The following APBB2 variants were observed in gnomAD, a reference collection of about 807,000 sequenced individuals.
The protein encoded by APBB2 is amyloid beta precursor protein binding family B member 2.
In APBB2, 38 loss-of-function variants were observed where a neutral mutation model predicts 82.5. That is an observed-to-expected ratio of 0.46 (90% CI 0.36 to 0.60). The LOEUF (loss-of-function observed/expected upper bound fraction) is 0.60, where lower values mean the gene tolerates loss of function less well. APBB2 is among the 20% of genes least tolerant of loss of function. APBB2 has a pLI of 0.00. For missense variants in APBB2, 772 were observed against 972.3 expected (o/e 0.79, Z 2.74); for synonymous variants, 341 against 368.2 (o/e 0.93, Z 0.85).
chr4:41,110,603 CAAAAAAAAA>C (rs33958550), intron 2 of APBB2, among the ~76,000 whole-genome samples: 5 of 111,688 alleles, frequency 4.5e-5, no homozygotes, highest in Non-Finnish European at 3.8e-5. Context: ...GACTCTGTCT[CAAAAAAAAA>C]AAAAAAAAGA....
At chr4:40,887,086 T>C (rs915074568) in intron 12 of APBB2, among the ~76,000 whole-genome samples, 10 of 152,214 alleles carry the variant, frequency 6.6e-5, no homozygotes, top group Admixed American at 2.6e-4. Flanking sequence ...TGGTATCAGA[T>C]GTGACTCAAC....
chr4:41,189,704 C>A (rs1283230890), intron 1 of APBB2, among the ~76,000 whole-genome samples: 1 of 152,212 alleles, frequency 6.6e-6, no homozygotes, highest in Non-Finnish European at 1.5e-5. Context: ...GCTAAGTATT[C>A]TGGACATGGC....
chr4:41,015,381 T>G (rs1809616589), intron 5 of APBB2, among the ~76,000 whole-genome samples: 1 of 152,172 alleles, frequency 6.6e-6, no homozygotes, highest in African/African-American at 2.4e-5. Flanking sequence ...TCTGATCCTT[T>G]TGCCCTCCAC....
intron 5 of APBB2, among the ~76,000 whole-genome samples, chr4:41,027,773 T>C (rs565311782): frequency 6.6e-6 from 1 of 152,298 alleles, no homozygotes; most frequent in East Asian, 1.9e-4. Flanking sequence ...AAATGAGGAA[T>C]GAATAACCAA....
At chr4:41,202,046 G>C (rs1198586737) in intron 1 of APBB2, among the ~76,000 whole-genome samples, 1 of 152,170 alleles carries the variant, frequency 6.6e-6, no homozygotes, top group Non-Finnish European at 1.5e-5. Context: ...CATGCCCCCA[G>C]GAGCTTCAGT....
chr4:40,894,287 C>T (rs1020832185), intron 10 of APBB2, among the ~76,000 whole-genome samples: 4 of 148,838 alleles, frequency 2.7e-5, no homozygotes, highest in Non-Finnish European at 5.9e-5. Flanking sequence ...GAGACTCCGT[C>T]TCAAAAAAAA....
chr4:40,893,239 C>A, intron 11 of APBB2, 26 bp downstream of exon 11: 2 of 1,608,818 alleles, frequency 1.2e-6, no homozygotes, highest in Non-Finnish European at 1.7e-6. Context: ...AACAGCCTGC[C>A]GTGCATCATT....
chr4:40,974,859 G>A (rs1319635815), intron 6 of APBB2, among the ~76,000 whole-genome samples: 2 of 152,180 alleles, frequency 1.3e-5, no homozygotes, highest in African/African-American at 2.4e-5. Flanking sequence ...CGAGGGGCAT[G>A]TGCATTGATG....
intron 2 of APBB2, among the ~76,000 whole-genome samples, chr4:41,102,460 G>A (rs1476273722): frequency 2.0e-5 from 3 of 152,124 alleles, no homozygotes; most frequent in Non-Finnish European, 2.9e-5. Flanking sequence ...CTGCTATAAC[G>A]CTTGTGTTTT....
chr4:40,856,299 T>C (rs1331502146), intron 12 of APBB2, among the ~76,000 whole-genome samples: 1 of 152,222 alleles, frequency 6.6e-6, no homozygotes, highest in Admixed American at 6.5e-5. Flanking sequence ...ACAATATTGG[T>C]ATAGGGAAAC....
intron 3 of APBB2, among the ~76,000 whole-genome samples, chr4:41,099,492 A>G (rs903610933): frequency 6.6e-5 from 10 of 152,260 alleles, no homozygotes; most frequent in Non-Finnish European, 4.4e-5. Context: ...CGGCCTCCCA[A>G]AATATTTATT....
chr4:41,195,340 TC>T, intron 1 of APBB2, among the ~76,000 whole-genome samples: 189 of 152,208 alleles, frequency 1.2e-3, no homozygotes, highest in African/African-American at 4.4e-3. Flanking sequence ...CCGACTAAGA[TC>T]CTCAGAATTG....
intron 7 of APBB2, among the ~76,000 whole-genome samples, chr4:40,940,388 C>T (rs941382574): frequency 3.3e-5 from 5 of 152,244 alleles, no homozygotes; most frequent in Non-Finnish European, 7.4e-5. Flanking sequence ...TTCTGTGATC[C>T]CCAGAGGTTC....
At chr4:40,829,217 G>A (rs979925482) in intron 13 of APBB2, among the ~76,000 whole-genome samples, 3 of 152,126 alleles carry the variant, frequency 2.0e-5, no homozygotes, top group South Asian at 4.1e-4. Context: ...TGTCCTTGGC[G>A]GTCAAAGGAC....
intron 1 of APBB2, among the ~76,000 whole-genome samples, chr4:41,155,239 GT>G (rs534389771): frequency 6.6e-6 from 1 of 152,092 alleles, no homozygotes; most frequent in Admixed American, 6.5e-5. Flanking sequence ...ATTTGGAACT[GT>G]TTTTTTGTTT....
At chr4:40,834,134 T>C (rs1281781103) in intron 12 of APBB2, among the ~76,000 whole-genome samples, 11 of 151,772 alleles carry the variant, frequency 7.2e-5, no homozygotes, top group African/African-American at 2.7e-4. Flanking sequence ...TACAGCCTTA[T>C]CTTTTGTTGT....
intron 1 of APBB2, among the ~76,000 whole-genome samples, chr4:41,154,199 A>G (rs895282023): frequency 1.3e-5 from 2 of 152,208 alleles, no homozygotes; most frequent in Admixed American, 1.3e-4. Flanking sequence ...TTACTGATTA[A>G]CCTTTGGAGG....
intron 6 of APBB2, among the ~76,000 whole-genome samples, chr4:41,004,340 TGG>T (rs1412691616): frequency 6.6e-6 from 1 of 152,086 alleles, no homozygotes; most frequent in Non-Finnish European, 1.5e-5. Context: ...AGGTTTGGAG[TGG>T]GCTTTATCTT....
chr4:40,876,312 G>C (rs1160513648), intron 12 of APBB2, among the ~76,000 whole-genome samples: 2 of 152,168 alleles, frequency 1.3e-5, no homozygotes, highest in Non-Finnish European at 2.9e-5. Flanking sequence ...AACATAATGA[G>C]TATATCTGTA....
Sources: gnomAD v4.1 joint callset for allele counts (sites outside exome capture counted in the v4.1 genomes callset) on GRCh38, gnomAD v4.1.1 for gene constraint, MANE v1.5 for transcripts, NCBI Gene and HGNC (gene_info 2026-07-23, HGNC 2026-07-21) for gene names.